Variants in IL16 observed in about 807,000 individuals in gnomAD.
The protein encoded by IL16 is interleukin 16, also known as pro-interleukin-16.
IL16 carries 67 observed loss-of-function variants against 110.1 expected under a neutral mutation model. The observed-to-expected ratio is 0.61, with a 90% CI of 0.50 to 0.75. The LOEUF (loss-of-function observed/expected upper bound fraction) is 0.75, where lower values mean the gene tolerates loss of function less well. Ranked by LOEUF, IL16 falls within the 30% of genes least tolerant of loss-of-function variation. The pLI is 0.00. For synonymous variants in IL16, 689 were observed against 662.9 expected (o/e 1.04, Z -0.61); for missense variants, 1,545 against 1,655.0 (o/e 0.93, Z 1.15).
intron 1 of IL16, among the ~76,000 whole-genome samples, chr15:81,204,260 A>G (rs1413281415): frequency 6.6e-5 from 10 of 152,006 alleles, no homozygotes; most frequent in South Asian, 4.2e-4. Flanking sequence ...CAATCATGTC[A>G]TCTGCAAACA....
chr15:81,271,271 AATAAAT>A (rs1413215013), intron 5 of IL16, among the ~76,000 whole-genome samples: 1 of 150,840 alleles, frequency 6.6e-6, no homozygotes, highest in African/African-American at 2.4e-5. Flanking sequence ...AATAAAATAA[AATAAAT>A]TAAATAAAAT....
At chr15:81,247,922 C>A (rs1897624929) in intron 2 of IL16, among the ~76,000 whole-genome samples, 1 of 152,036 alleles carries the variant, frequency 6.6e-6, no homozygotes, top group African/African-American at 2.4e-5. Flanking sequence ...TTTGATGACC[C>A]CGTATAAGAT....
At chr15:81,291,811 T>C (rs1482057688) in intron 11 of IL16, 1 of 424,806 alleles carries the variant, frequency 2.4e-6, no homozygotes, top group African/African-American at 2.0e-5. Flanking sequence ...TGGAAAGAAA[T>C]AGTGACTTCT....
chr15:81,193,111 A>G (rs1032381461), upstream of IL16, among the ~76,000 whole-genome samples: 4 of 152,330 alleles, frequency 2.6e-5, no homozygotes, highest in Admixed American at 2.6e-4. Flanking sequence ...GCACTTGGGC[A>G]GGGACAGACC....
At chr15:81,232,270 T>C (rs1284542557) in intron 2 of IL16, among the ~76,000 whole-genome samples, 1 of 152,096 alleles carries the variant, frequency 6.6e-6, no homozygotes, top group East Asian at 1.9e-4. Context: ...GCATATCCAA[T>C]CGTTACCTAC....
intron 2 of IL16, among the ~76,000 whole-genome samples, chr15:81,232,129 A>G (rs547947664): frequency 8.7e-6 from 1 of 114,376 alleles, no homozygotes; most frequent in Admixed American, 1.1e-4. Context: ...TTTTTATTGG[A>G]ATTGCTTTGG....
intron 1 of IL16, among the ~76,000 whole-genome samples, chr15:81,201,789 T>C (rs1019851954): frequency 6.6e-6 from 1 of 152,218 alleles, no homozygotes; most frequent in African/African-American, 2.4e-5. Context: ...TTGTTGAGTA[T>C]TCTCTCTGAT....
chr15:81,263,346 A>ATTTTTTTTTTTTTTTTTT (rs10717016), intron 3 of IL16, among the ~76,000 whole-genome samples: 1 of 109,792 alleles, frequency 9.1e-6, no homozygotes. Context: ...TTCAAAAACT[A>ATTTTTTTTTTTTTTTTTT]TTTTTTTTTG....
At position 81,306,571 on chromosome 15, in the gene IL16, G is replaced by A. The variant is rs368154842; in HGVS notation, c.3805+26G>A. The A allele has an allele frequency of 2.2e-4, 356 of 1,608,236 alleles. 1 individual carries two copies. The highest frequency in any genetic ancestry group is 1.6e-3 in the South Asian group (149 of 91,080). ...GTGTGGGGTGTGTCTGGTTCTTTGC[G>A]TGCTCTCCAGTTGTGGGCATGTGGC... On this transcript the variant is annotated intron_variant, in intron 18 of 18. Transcript: ENST00000683961.
rs1368048908 is a variant in IL16, at chr15:81,313,297, A to T, written c.*4499A>T. On this transcript the variant is annotated 3_prime_UTR_variant, in exon 19 of 19. Transcript: ENST00000683961. Reference sequence around the variant, plus strand: ...TTCACTGCTTTCTGAAGGTTGGCATAAAACCGGGTCATGCTGCGGGGGAAG... The same window carrying T: ...TTCACTGCTTTCTGAAGGTTGGCATTAAACCGGGTCATGCTGCGGGGGAAG... 1 of 1,581,078 alleles carries T rather than the reference A, an allele frequency of 6.3e-7. No homozygotes were observed. Among genetic ancestry groups the T allele is most frequent in the Admixed American group, 1.8e-5 (1 of 55,020 alleles).
intron 3 of IL16, among the ~76,000 whole-genome samples, chr15:81,263,356 G>GTTT (rs35967550): frequency 7.1e-5 from 9 of 126,876 alleles, no homozygotes; most frequent in African/African-American, 2.5e-4. Context: ...ATTTTTTTTT[G>GTTT]TTTTTTTTTT....
At chr15:81,304,802 T>C (rs1009797665) in intron 16 of IL16, among the ~76,000 whole-genome samples, 3 of 152,156 alleles carry the variant, frequency 2.0e-5, no homozygotes, top group Non-Finnish European at 4.4e-5. Context: ...ATTCTAACCA[T>C]GTAACAGAAT....
intron 8 of IL16, among the ~76,000 whole-genome samples, chr15:81,280,106 C>A (rs552568846): frequency 6.8e-4 from 104 of 152,308 alleles, no homozygotes; most frequent in Admixed American, 1.7e-3. Flanking sequence ...ACGCCCTGGG[C>A]AGGCCACCTT....
At chr15:81,272,666 G>C (rs1373478457) in intron 5 of IL16, among the ~76,000 whole-genome samples, 3 of 152,154 alleles carry the variant, frequency 2.0e-5, no homozygotes, top group African/African-American at 7.2e-5. Context: ...TATGATTGTT[G>C]CTAGGCATTT....
chr15:81,269,412 G>A lies in IL16; in HGVS notation c.565-126G>A, dbSNP rs1898532696. 32 of 688,686 alleles carry A rather than the reference G, an allele frequency of 4.6e-5. 1 individual carries two copies. The Admixed American group carries it at 5.6e-4, about 12-fold the overall frequency. The allele number at this position is 688,686 out of a possible 1,614,324, so 42.7% of individuals were successfully genotyped here. On this transcript the variant is annotated intron_variant, in intron 4 of 18. Coordinates refer to ENST00000683961, the MANE Select transcript of IL16 (RefSeq NM_172217.5). ...CCACTAACCACATTCTGGTTGTTAC[G>A]CTGCCTGCCCTTAGGAGAAAGAGGA...
At chr15:81,195,084 A>G (rs890434232), upstream of IL16, among the ~76,000 whole-genome samples, 9 of 152,062 alleles carry the variant, frequency 5.9e-5, no homozygotes, top group African/African-American at 2.2e-4. Context: ...AGCACAAACC[A>G]CCCCGTATTA....
intron 1 of IL16, among the ~76,000 whole-genome samples, chr15:81,202,821 A>G (rs1285350924): frequency 3.3e-5 from 5 of 152,258 alleles, no homozygotes; most frequent in East Asian, 1.9e-4. Context: ...ATGATTTATA[A>G]TCTTTTGGGT....
At position 81,299,857 on chromosome 15, in the gene IL16, G is replaced by A; in HGVS notation, c.2531G>A (p.Ser844Asn). 6.2e-7 allele frequency: 1 copy of A among 1,613,808 alleles called. No individual in the cohort carries two copies. The highest frequency in any genetic ancestry group is 1.7e-5 in the Admixed American group (1 of 60,024). ...SSSSSIRQRISSFETFGSSQL... is the reference protein window; with the variant it reads ...SSSSSIRQRINSFETFGSSQL... ...TCCTCCTCCATCAGGCAGAGAATCA[G>A]CTCCTTTGAAACCTTTGGCTCCTCT... Residue 844 changes from serine (S) to asparagine (N), a missense_variant, in exon 14 of 19, where the codon AGC becomes AAC. By Grantham distance (46) the Ser-to-Asn change is conservative. Around this residue, in one of 3 missense-constraint regions of IL16, gnomAD observed 1,185 missense variants for 1,238.8 expected, o/e 0.96. Coordinates refer to ENST00000683961, the MANE Select transcript of IL16 (RefSeq NM_172217.5).
intron 1 of IL16, chr15:81,188,235 G>A (rs1895445106): frequency 4.6e-6 from 2 of 435,812 alleles, no homozygotes; most frequent in African/African-American, 2.0e-5. Flanking sequence ...AGGTAGTGTC[G>A]GGCAGATGTG....
Sources: gnomAD v4.1 joint callset for allele counts (sites outside exome capture counted in the v4.1 genomes callset) on GRCh38, gnomAD v4.1.1 for gene constraint, gnomAD v4.1.1 regional missense constraint, MANE v1.5 for transcripts, NCBI Gene and HGNC (gene_info 2026-07-23, HGNC 2026-07-21) for gene names.